SNTG1: variants seen among roughly 807,000 people sequenced by gnomAD.
The protein encoded by SNTG1 is gamma-1-syntrophin.
SNTG1 carries 39 observed loss-of-function variants against 74.7 expected under a neutral mutation model. The ratio of observed to expected loss-of-function variants is 0.52; its 90% CI spans 0.40 to 0.68. SNTG1 has a LOEUF of 0.68. Among genes scored for constraint, SNTG1 ranks in the 30% least tolerant of loss-of-function variants. SNTG1 has a pLI of 0.00. For missense variants in SNTG1, 685 were observed against 609.5 expected (o/e 1.12, Z -1.30); for synonymous variants, 254 against 217.1 (o/e 1.17, Z -1.49).
At chr8:50,303,460 G>A (rs978337488) in intron 2 of SNTG1, among the ~76,000 whole-genome samples, 4 of 151,728 alleles carry the variant, frequency 2.6e-5, no homozygotes, top group Admixed American at 1.3e-4. Flanking sequence ...AATGGAATAT[G>A]CTTAAAAATA....
intron 12 of SNTG1, among the ~76,000 whole-genome samples, chr8:50,553,583 A>AT (rs1425643135): frequency 6.6e-6 from 1 of 152,178 alleles, no homozygotes; most frequent in Non-Finnish European, 1.5e-5. Flanking sequence ...AGGAGTTAGC[A>AT]TAGAGACTGA....
At chr8:50,675,563 G>T (rs925777384) in intron 15 of SNTG1, among the ~76,000 whole-genome samples, 3 of 151,852 alleles carry the variant, frequency 2.0e-5, no homozygotes, top group Non-Finnish European at 4.4e-5. Context: ...TTGCACATGA[G>T]ATGGTTCTCC....
chr8:50,240,442 A>C (rs1399223863), intron 2 of SNTG1, among the ~76,000 whole-genome samples: 1 of 152,238 alleles, frequency 6.6e-6, no homozygotes, highest in East Asian at 1.9e-4. Flanking sequence ...AAGTCTCTTT[A>C]GTTACATTTG....
At chr8:50,572,810 C>T (rs1456030250) in intron 12 of SNTG1, among the ~76,000 whole-genome samples, 3 of 152,082 alleles carry the variant, frequency 2.0e-5, no homozygotes, top group Non-Finnish European at 4.4e-5. Flanking sequence ...AATGATCTCT[C>T]TAGGTTCTAA....
intron 16 of SNTG1, among the ~76,000 whole-genome samples, chr8:50,705,454 A>T (rs921418539): frequency 4.6e-5 from 7 of 152,390 alleles, no homozygotes; most frequent in African/African-American, 1.7e-4. Context: ...ACATCTGATT[A>T]GAAATACAAT....
intron 2 of SNTG1, among the ~76,000 whole-genome samples, chr8:50,368,815 C>A (rs1040075443): frequency 6.6e-6 from 1 of 152,188 alleles, no homozygotes; most frequent in Non-Finnish European, 1.5e-5. Flanking sequence ...GCTAGGTTTT[C>A]TGCTTTCATG....
Position 49,977,352 on chromosome 8 carries a change from T to A in SNTG1, c.-103+65121T>A, listed in dbSNP as rs77397671. On this transcript the variant is annotated intron_variant, in intron 1 of 18. Transcript: ENST00000642720. ...GGACTGTGCTTTTTTTCATTCCCAT[T>A]TTGAACGCAGTGCTTTGTTTGAAAC... Among the ~76,000 whole-genome samples the A allele has an allele frequency of 4.1e-3, 625 of 152,246 alleles. 4 individuals carry two copies. The highest frequency in any genetic ancestry group is 0.014 in the African/African-American group (593 of 41,538).
chr8:50,391,414 A>G (rs190808665), intron 2 of SNTG1, among the ~76,000 whole-genome samples: 121 of 152,266 alleles, frequency 7.9e-4, no homozygotes, highest in African/African-American at 2.7e-3. Context: ...CCTACCAGGG[A>G]TGAAGCCCAC....
At chr8:50,384,923 C>T (rs2092550314) in intron 2 of SNTG1, among the ~76,000 whole-genome samples, 1 of 152,108 alleles carries the variant, frequency 6.6e-6, no homozygotes, top group South Asian at 2.1e-4. Context: ...TCATGATGAA[C>T]ATCTCAGGTG....
At chr8:49,924,800 G>T (rs1806868915) in intron 1 of SNTG1, among the ~76,000 whole-genome samples, 1 of 151,764 alleles carries the variant, frequency 6.6e-6, no homozygotes, top group Non-Finnish European at 1.5e-5. Flanking sequence ...GAGGCAAGTT[G>T]TAAGTCTTGC....
intron 1 of SNTG1, among the ~76,000 whole-genome samples, chr8:49,916,403 G>T (rs149132542): frequency 1.6e-3 from 246 of 151,954 alleles, no homozygotes; most frequent in Non-Finnish European, 2.8e-3. Flanking sequence ...TCTTCAATTT[G>T]TCAGCAAAGA....
intron 18 of SNTG1, among the ~76,000 whole-genome samples, chr8:50,769,338 T>C (rs957933774): frequency 2.6e-5 from 4 of 152,020 alleles, no homozygotes; most frequent in African/African-American, 4.8e-5. Context: ...AAGAGAAGAA[T>C]TGTAAATAAA....
chr8:50,427,965 A>C (rs2093184938), intron 4 of SNTG1, among the ~76,000 whole-genome samples: 1 of 152,184 alleles, frequency 6.6e-6, no homozygotes, highest in East Asian at 1.9e-4. Context: ...ACAAAAGGAA[A>C]TAATGATGTT....
At chr8:50,239,989 C>G (rs1322920721) in intron 2 of SNTG1, among the ~76,000 whole-genome samples, 1 of 152,116 alleles carries the variant, frequency 6.6e-6, no homozygotes, top group Non-Finnish European at 1.5e-5. Flanking sequence ...TGAAAATTCA[C>G]TAAGTAACTA....
chr8:50,100,385 T>C (rs1463470667), intron 1 of SNTG1, among the ~76,000 whole-genome samples: 2 of 152,032 alleles, frequency 1.3e-5, no homozygotes, highest in Admixed American at 1.3e-4. Flanking sequence ...TAGTTAACAA[T>C]AATTTATTAT....
rs1457729042 is a variant in SNTG1 at position 50,144,197 on chromosome 8, C to T, written c.-102-28364C>T. On this transcript the variant is annotated intron_variant, in intron 1 of 18. Transcript: ENST00000642720. ...CTACTTCAAGATATGCTATACGAAA[C>T]CATCTTAATGATTAAATGACCTACT... 2.0e-5 allele frequency among the ~76,000 whole-genome samples: 3 copies of T among 152,158 alleles called. No individual in the cohort carries two copies. The East Asian group carries it at 5.8e-4, about 29-fold the overall frequency.
intron 1 of SNTG1, among the ~76,000 whole-genome samples, chr8:50,064,736 C>T (rs899023337): frequency 2.0e-5 from 3 of 152,072 alleles, no homozygotes; most frequent in African/African-American, 7.2e-5. Flanking sequence ...TTTCTGCCTA[C>T]GGGCTCTGAC....
intron 1 of SNTG1, among the ~76,000 whole-genome samples, chr8:50,079,105 C>T (rs1822162432): frequency 6.6e-6 from 1 of 152,134 alleles, no homozygotes; most frequent in Admixed American, 6.5e-5. Flanking sequence ...AATAGTATTT[C>T]TGGTTTTAGA....
chr8:50,339,093 T>C (rs1388411523), intron 2 of SNTG1, among the ~76,000 whole-genome samples: 3 of 152,112 alleles, frequency 2.0e-5, no homozygotes, highest in Admixed American at 1.3e-4. Flanking sequence ...AGGAATTACA[T>C]TGGACTTCTC....
Sources: allele counts gnomAD v4.1 joint callset (sites outside exome capture counted in the v4.1 genomes callset), GRCh38; gene constraint gnomAD v4.1.1; transcripts MANE v1.5; gene names NCBI Gene and HGNC (gene_info 2026-07-23, HGNC 2026-07-21).